FARS2: variants seen among roughly 807,000 people sequenced by gnomAD.
FARS2 encodes the protein phenylalanine--tRNA ligase, mitochondrial.
FARS2 carries 40 observed loss-of-function variants against 46.4 expected under a neutral mutation model. The observed-to-expected ratio is 0.86, with a 90% confidence interval of 0.67 to 1.12. The LOEUF (loss-of-function observed/expected upper bound fraction) is 1.12. Ranked by LOEUF, FARS2 falls within the 50% of genes most tolerant of loss-of-function variation. The pLI is 0.00. For synonymous variants in FARS2, 234 were observed against 214.9 expected, an observed-to-expected ratio of 1.09 and a Z score of -0.78; for missense variants, 513 against 567.9, an observed-to-expected ratio of 0.90 and a Z score of 0.98.
At position 5,381,406 on chromosome 6, in the gene FARS2, T is replaced by TACAC. The variant is rs773053847; in HGVS notation, c.612+12236_612+12239dup. On this transcript the variant is annotated intron_variant, in intron 2 of 6. Transcript: ENST00000274680. ...ACACACACACACACACACACACACA[T>TACAC]ACACACACACACACAGATGCAGAAT... Among the ~76,000 whole-genome samples the TACAC allele has an allele frequency of 3.6e-4, 41 of 115,404 alleles. 1 individual carries two copies. In the South Asian group the frequency reaches 8.2e-3, roughly 23 times the overall value. 75.7% of individuals were successfully genotyped at this position (115,404 alleles called of 152,430 possible).
intron 3 of FARS2, among the ~76,000 whole-genome samples, chr6:5,408,001 C>T (rs1761713676): frequency 6.6e-6 from 1 of 152,148 alleles, no homozygotes; most frequent in Non-Finnish European, 1.5e-5. Context: ...CATTGCCAAA[C>T]TATGGAGAGA....
At chr6:5,770,015 G>C (rs931502761) in intron 6 of FARS2, among the ~76,000 whole-genome samples, 4 of 152,186 alleles carry the variant, frequency 2.6e-5, no homozygotes, top group Non-Finnish European at 4.4e-5. Context: ...CATGCACCAG[G>C]CATATTCTGC....
At chr6:5,744,678 A>G (rs1198870244) in intron 6 of FARS2, among the ~76,000 whole-genome samples, 1 of 152,198 alleles carries the variant, frequency 6.6e-6, no homozygotes, top group Non-Finnish European at 1.5e-5. Context: ...CCTTGAGCCA[A>G]AATGGATAAA....
chr6:5,377,057 G>C (rs1316719733), intron 2 of FARS2, among the ~76,000 whole-genome samples: 1 of 152,210 alleles, frequency 6.6e-6, no homozygotes, highest in African/African-American at 2.4e-5. Flanking sequence ...CTGTTCTATA[G>C]CTTCCAAACG....
intron 6 of FARS2, among the ~76,000 whole-genome samples, chr6:5,636,303 C>A (rs1176768053): frequency 2.0e-5 from 3 of 152,192 alleles, no homozygotes; most frequent in Non-Finnish European, 2.9e-5. Context: ...GCTTCTGCAG[C>A]GAAGGCCTGA....
rs9504487 is a variant in FARS2, at chr6:5,681,137, A to T, written c.1217+67817A>T. On this transcript the variant is annotated intron_variant, in intron 6 of 6. Coordinates refer to ENST00000274680, the MANE Select transcript of FARS2 (RefSeq NM_006567.5). ...GCTTCTTAACAATCTGTGCTAAGAG[A>T]TTTATCTGAGAAAGGTTCAAAGATG... Among the ~76,000 whole-genome samples the T allele has an allele frequency of 3.7e-3, 562 of 152,316 alleles. 5 individuals carry two copies. The highest frequency in any genetic ancestry group is 0.013 in the African/African-American group (535 of 41,566).
At chr6:5,663,947 T>C (rs1777975888) in intron 6 of FARS2, among the ~76,000 whole-genome samples, 1 of 152,196 alleles carries the variant, frequency 6.6e-6, no homozygotes, top group Non-Finnish European at 1.5e-5. Flanking sequence ...GCCAGGGCCA[T>C]GGACTGCAGG....
chr6:5,496,265 T>C (rs1338050841), intron 4 of FARS2, among the ~76,000 whole-genome samples: 1 of 152,196 alleles, frequency 6.6e-6, no homozygotes, highest in African/African-American at 2.4e-5. Context: ...TTGTCACTTC[T>C]GTGTTTTTAG....
At chr6:5,316,601 T>C (rs1333831846) in intron 1 of FARS2, among the ~76,000 whole-genome samples, 3 of 152,086 alleles carry the variant, frequency 2.0e-5, no homozygotes, top group Non-Finnish European at 2.9e-5. Flanking sequence ...ATCCCTATAC[T>C]AGTGGGAACA....
chr6:5,392,479 C>T (rs905842075), intron 2 of FARS2, among the ~76,000 whole-genome samples: 15 of 152,058 alleles, frequency 9.9e-5, no homozygotes, highest in Admixed American at 3.3e-4. Context: ...TTTTGCTTAG[C>T]GCTATTCTAA....
intron 5 of FARS2, among the ~76,000 whole-genome samples, chr6:5,581,233 AAAAC>A (rs1773309832): frequency 6.6e-6 from 1 of 152,244 alleles, no homozygotes; most frequent in South Asian, 2.1e-4. Flanking sequence ...TGAGGAGAGA[AAAAC>A]AACACCCAAG....
chr6:5,329,409 G>GT (rs1202770889), intron 1 of FARS2, among the ~76,000 whole-genome samples: 5 of 152,090 alleles, frequency 3.3e-5, no homozygotes, highest in African/African-American at 4.8e-5. Context: ...CTTTCAACCT[G>GT]TTTTTTTGTT....
At chr6:5,478,006 C>T (rs438608) in intron 4 of FARS2, among the ~76,000 whole-genome samples, 3 of 151,924 alleles carry the variant, frequency 2.0e-5, no homozygotes, top group Non-Finnish European at 2.9e-5. Context: ...GGTGAAAGAG[C>T]GAGACCCTGT....
At chr6:5,300,208 G>T (rs767027533) in intron 1 of FARS2, among the ~76,000 whole-genome samples, 1 of 152,200 alleles carries the variant, frequency 6.6e-6, no homozygotes, top group Non-Finnish European at 1.5e-5. Context: ...TCTGGTGGTT[G>T]AGGACAAGAA....
Position 5,702,420 on chromosome 6 carries a change from G to A in FARS2, c.1218-68871G>A, listed in dbSNP as rs994916973. On this transcript the variant is annotated intron_variant, in intron 6 of 6. Transcript: ENST00000274680. ...TACTTTCTATTCTTCTTATCCTTCT[G>A]TAAGTGATATGTGTACTTTTGGCCC... 8.5e-5 allele frequency among the ~76,000 whole-genome samples: 13 copies of A among 152,138 alleles called. 1 individual carries two copies. The highest frequency in any genetic ancestry group is 8.5e-4 in the Admixed American group (13 of 15,270).
At chr6:5,494,056 T>C (rs895064742) in intron 4 of FARS2, among the ~76,000 whole-genome samples, 11 of 152,132 alleles carry the variant, frequency 7.2e-5, no homozygotes, top group Admixed American at 6.5e-5. Context: ...TGGGCCACTA[T>C]TGGGGCCTTT....
intron 6 of FARS2, among the ~76,000 whole-genome samples, chr6:5,720,601 C>A (rs1759826303): frequency 6.6e-6 from 1 of 152,198 alleles, no homozygotes; most frequent in Non-Finnish European, 1.5e-5. Flanking sequence ...ATTGCCTTTA[C>A]ATTCATAAGT....
intron 2 of FARS2, chr6:5,371,146 C>A (rs1037906817): frequency 1.9e-5 from 19 of 980,508 alleles, no homozygotes; most frequent in Non-Finnish European, 1.6e-5. Flanking sequence ...TGCTTATGAC[C>A]CAAAGGGGAG....
At chr6:5,289,997 T>G (rs1441960023) in intron 1 of FARS2, among the ~76,000 whole-genome samples, 2 of 152,232 alleles carry the variant, frequency 1.3e-5, no homozygotes, top group Admixed American at 1.3e-4. Flanking sequence ...TTCATGGTTC[T>G]TTTCAAAAGC....
Sources: gnomAD v4.1 joint callset for allele counts (sites outside exome capture counted in the v4.1 genomes callset) on GRCh38, gnomAD v4.1.1 for gene constraint, MANE v1.5 for transcripts, NCBI Gene and HGNC (gene_info 2026-07-23, HGNC 2026-07-21) for gene names.